The following SBF2 variants were observed in gnomAD, a reference collection of about 807,000 sequenced individuals.
SBF2 encodes myotubularin-related protein 13.
A neutral mutation model predicts 225.2 loss-of-function variants in SBF2; 112 were observed. The ratio of observed to expected loss-of-function variants is 0.50; its 90% confidence interval spans 0.43 to 0.58. SBF2 has a LOEUF of 0.58. SBF2 is among the 20% of genes least tolerant of loss of function. The probability of loss-of-function intolerance (pLI) is 0.00; values close to 1 mark genes in which losing one functional copy is unlikely to be tolerated. For synonymous variants in SBF2, 763 were observed against 773.3 expected (o/e 0.99, Z 0.22); for missense variants, 1,996 against 2,206.2 (o/e 0.90, Z 1.91).
intron 17 of SBF2, among the ~76,000 whole-genome samples, chr11:9,866,312 A>G (rs1858216785): frequency 6.6e-6 from 1 of 152,218 alleles, no homozygotes; most frequent in African/African-American, 2.4e-5. Context: ...GCATCACACT[A>G]TCTGACTTCA....
chr11:10,024,749 C>G (rs543848953), intron 6 of SBF2, among the ~76,000 whole-genome samples: 1 of 152,284 alleles, frequency 6.6e-6, no homozygotes, highest in African/African-American at 2.4e-5. Context: ...GGGGCTGATA[C>G]AGGTAACATA....
intron 1 of SBF2, among the ~76,000 whole-genome samples, chr11:10,202,301 T>C (rs1172599291): frequency 6.6e-6 from 1 of 152,198 alleles, no homozygotes; most frequent in African/African-American, 2.4e-5. Flanking sequence ...CTCTAGTAGT[T>C]CAAACTCTCA....
At position 10,286,678 on chromosome 11, in the gene SBF2, T is replaced by C. The variant is rs189129299; in HGVS notation, c.55+7337A>G. On this transcript the variant is annotated intron_variant, in intron 1 of 39. Coordinates refer to ENST00000256190, the MANE Select transcript of SBF2 (RefSeq NM_030962.4). ...CAGCCTGTTTTTGTTTTTTGTTTTT[T>C]TGTCTTTTTAGTGAAGGCAAGTTTA... 7.9e-5 allele frequency among the ~76,000 whole-genome samples: 12 copies of C among 152,318 alleles called. No homozygotes were observed. In the East Asian group the frequency reaches 1.9e-3, roughly 24 times the overall value.
At chr11:9,879,526 T>C (rs750255714) in intron 17 of SBF2, among the ~76,000 whole-genome samples, 15 of 152,182 alleles carry the variant, frequency 9.9e-5, no homozygotes, top group Non-Finnish European at 2.1e-4. Flanking sequence ...GTTTTGCCAT[T>C]TGCCAGCTGG....
At chr11:10,283,579 T>C (rs1963555685) in intron 1 of SBF2, among the ~76,000 whole-genome samples, 1 of 150,110 alleles carries the variant, frequency 6.7e-6, no homozygotes, top group African/African-American at 2.5e-5. Context: ...CCAGATGAAA[T>C]ACCACCAAGA....
intron 1 of SBF2, among the ~76,000 whole-genome samples, chr11:10,229,461 C>A (rs1417617844): frequency 9.2e-5 from 14 of 152,146 alleles, no homozygotes; most frequent in African/African-American, 2.9e-4. Context: ...AGTGCTATAA[C>A]TTTCCCTCTA....
chr11:10,058,611 A>AC (rs1273520070), intron 2 of SBF2, among the ~76,000 whole-genome samples: 2 of 152,194 alleles, frequency 1.3e-5, no homozygotes, highest in Non-Finnish European at 2.9e-5. Context: ...GTCCATGAAA[A>AC]CTTCCCCAAC....
chr11:9,959,357 G>T lies in SBF2; in HGVS notation c.1860+2600C>A, dbSNP rs573929952. On this transcript the variant is annotated intron_variant, in intron 16 of 39. Transcript: ENST00000256190. ...ACCCTGGGGCTCAGGGAATCCACTG[G>T]AAGGCCAACCAAAGGGGTGCCCGTC... 1.0e-4 allele frequency: 81 copies of T among 783,430 alleles called. 1 individual carries two copies. The South Asian group carries it at 1.0e-3, about 10-fold the overall frequency. The allele number at this position is 783,430 out of a possible 1,614,324, so 48.5% of individuals were successfully genotyped here. A position where few individuals can be genotyped will look rare whatever the true frequency, so the allele number is the denominator to read the frequency against.
rs1038288412 is a variant in SBF2 at position 9,815,167 on chromosome 11, T to C, written c.3978+1673A>G. On this transcript the variant is annotated intron_variant, in intron 29 of 39. Coordinates refer to ENST00000256190, the MANE Select transcript of SBF2 (RefSeq NM_030962.4). The stretch of plus-strand genomic sequence containing the variant: ...AAAAATAATAATACTTGTCCGGGTG[T>C]AGTGGCTCACGCCTGTAATCCCAGC... Among the ~76,000 whole-genome samples, 14 of 151,398 alleles carry C rather than the reference T, an allele frequency of 9.2e-5. No homozygotes were observed. The East Asian group carries it at 2.5e-3, about 27-fold the overall frequency.
chr11:9,951,408 A>T (rs1865855264), intron 16 of SBF2, among the ~76,000 whole-genome samples: 1 of 152,230 alleles, frequency 6.6e-6, no homozygotes, highest in African/African-American at 2.4e-5. Context: ...TAACCAGTTA[A>T]GAAGTTGGTG....
Position 9,856,698 on chromosome 11 carries a change from T to C in SBF2, c.2123A>G (p.Tyr708Cys). 2 of 1,613,916 alleles carry C rather than the reference T, an allele frequency of 1.2e-6. No homozygotes were observed. The highest frequency in any genetic ancestry group is 1.1e-5 in the South Asian group (1 of 91,076). The change falls in exon 19 of 40, where the codon TAT becomes TGT. Residue 708 changes from tyrosine to cysteine, a missense_variant. Physicochemically the swap from Tyr to Cys is radical, Grantham distance 194 (BLOSUM62 -2). Coordinates refer to ENST00000256190, the MANE Select transcript of SBF2 (RefSeq NM_030962.4). ...CAGGTCCATTGCTGTCTTCTCCTGATAATGGTCATCAGGAAGCTTATCCTA... is the reference window on the plus strand; with the variant it reads ...CAGGTCCATTGCTGTCTTCTCCTGACAATGGTCATCAGGAAGCTTATCCTA... ...KQKDKLPDDHYQEKTAMDLAA... is the reference protein window; with the variant it reads ...KQKDKLPDDHCQEKTAMDLAA...
At chr11:10,241,208 C>A (rs954316675) in intron 1 of SBF2, among the ~76,000 whole-genome samples, 2 of 152,148 alleles carry the variant, frequency 1.3e-5, no homozygotes, top group African/African-American at 4.8e-5. Context: ...AAAAAATTAG[C>A]CAGGTGTGGT....
chr11:9,812,650 A>G lies in SBF2; in HGVS notation c.4037T>C (p.Ile1346Thr). Residue 1346 changes from isoleucine (I) to threonine (T), a missense_variant, in exon 30 of 40, where the codon ATC becomes ACC. Physicochemically the swap from Ile to Thr is moderately conservative, Grantham distance 89. Coordinates refer to ENST00000256190, the MANE Select transcript of SBF2 (RefSeq NM_030962.4). ...CEFVPVEFHE[I>T]RQVKASFKKL... The stretch of plus-strand genomic sequence containing the variant: ...CTTAAAACTGGCTTTCACTTGCCGG[A>G]TTTCATGAAATTCAACAGGAACAAA... 6.2e-7 allele frequency: 1 copy of G among 1,614,202 alleles called. No homozygotes were observed. The highest frequency in any genetic ancestry group is 8.5e-7 in the Non-Finnish European group (1 of 1,180,024).
chr11:10,280,200 C>G (rs117632312), intron 1 of SBF2, among the ~76,000 whole-genome samples: 1 of 116,250 alleles, frequency 8.6e-6, no homozygotes, highest in African/African-American at 2.9e-5. Context: ...ATTAGGGATA[C>G]TCAACCTGTA....
intron 1 of SBF2, among the ~76,000 whole-genome samples, chr11:10,222,031 C>T (rs551569563): frequency 6.6e-6 from 1 of 152,124 alleles, no homozygotes; most frequent in East Asian, 1.9e-4. Context: ...CTGGCTGACC[C>T]CTGAACCAAA....
intron 2 of SBF2, among the ~76,000 whole-genome samples, chr11:10,079,096 A>C (rs1951252664): frequency 6.6e-6 from 1 of 152,130 alleles, no homozygotes; most frequent in South Asian, 2.1e-4. Context: ...AAATAAGAAG[A>C]AGCGACTGTT....
chr11:10,152,930 A>G (rs750122325), intron 2 of SBF2, among the ~76,000 whole-genome samples: 1 of 152,152 alleles, frequency 6.6e-6, no homozygotes, highest in Admixed American at 6.5e-5. Flanking sequence ...TTTCTGGGGG[A>G]AAAAAAGCCA....
At chr11:10,231,299 C>T (rs189202466) in intron 1 of SBF2, among the ~76,000 whole-genome samples, 7 of 152,294 alleles carry the variant, frequency 4.6e-5, no homozygotes, top group Admixed American at 4.6e-4. Flanking sequence ...CTGAAGCCTT[C>T]TCTCAACTCG....
At chr11:10,111,418 C>T (rs1330019433) in intron 2 of SBF2, among the ~76,000 whole-genome samples, 3 of 152,162 alleles carry the variant, frequency 2.0e-5, no homozygotes, top group Non-Finnish European at 4.4e-5. Flanking sequence ...CAAATCATAG[C>T]AACAGTATTT....
Sources: gnomAD v4.1 joint callset for allele counts (sites outside exome capture counted in the v4.1 genomes callset) on GRCh38, gnomAD v4.1.1 for gene constraint, MANE v1.5 for transcripts, NCBI Gene and HGNC (gene_info 2026-07-23, HGNC 2026-07-21) for gene names.